The following GRM1 variants were observed in gnomAD, a reference collection of about 807,000 sequenced individuals.
GRM1 encodes the protein glutamate metabotropic receptor 1.
Under a neutral mutation model 90.9 loss-of-function variants are expected in GRM1, and 33 were observed. The ratio of observed to expected loss-of-function variants is 0.36; its 90% CI spans 0.28 to 0.49. GRM1 has a LOEUF of 0.49. GRM1 is among the 20% of genes least tolerant of loss of function. The pLI is 0.99. For synonymous variants in GRM1, 700 were observed against 613.2 expected, an observed-to-expected ratio of 1.14 and a Z score of -2.09; for missense variants, 1,190 against 1,534.3, an observed-to-expected ratio of 0.78 and a Z score of 3.75.
chr6:146,402,315 G>A (rs1341121806), intron 7 of GRM1, among the ~76,000 whole-genome samples: 4 of 152,060 alleles, frequency 2.6e-5, no homozygotes, highest in Admixed American at 6.6e-5. Flanking sequence ...ACAATCATCT[G>A]TTTACTCATT....
chr6:146,434,391 CG>C lies in GRM1; in HGVS notation c.3183del (p.Leu1062CysfsTer21). On this transcript the variant is annotated frameshift_variant, in exon 8 of 8. Coordinates refer to ENST00000282753, the MANE Select transcript of GRM1 (RefSeq NM_001278064.2). LOFTEE classifies it high-confidence loss of function. The part of the protein sequence containing the change: ...VLAGPGGPGN[G>X]LRSLYPPPPP... ...TGGCAGGCCCCGGTGGTCCCGGGAA[CG>C]GGCTGCGGTCCCTGTACCCGCCCCC... 5 of 1,613,292 alleles carry C rather than the reference CG, an allele frequency of 3.1e-6. No individual in the cohort carries two copies. The highest frequency in any genetic ancestry group is 4.2e-6 in the Non-Finnish European group (5 of 1,179,640).
intron 3 of GRM1, among the ~76,000 whole-genome samples, chr6:146,314,051 C>CTTTTTTTTTTTTTTTTTTTTT (rs552986343): frequency 1.6e-5 from 1 of 61,960 alleles, no homozygotes; most frequent in Non-Finnish European, 2.6e-5. Context: ...TAGTTAATTC[C>CTTTTTTTTTTTTTTTTTTTTT]TTTTTTTTTT....
chr6:146,151,577 A>G (rs999807113), intron 1 of GRM1, among the ~76,000 whole-genome samples: 2 of 152,198 alleles, frequency 1.3e-5, no homozygotes, highest in African/African-American at 4.8e-5. Flanking sequence ...GAAATGCAAC[A>G]CAATCTGTTT....
chr6:146,427,357 C>T (rs1486558386), intron 7 of GRM1, among the ~76,000 whole-genome samples: 8 of 152,206 alleles, frequency 5.3e-5, no homozygotes, highest in Middle Eastern at 3.4e-3. Context: ...ATGTTCAGTT[C>T]GTTGTGCACG....
intron 2 of GRM1, among the ~76,000 whole-genome samples, chr6:146,210,346 A>G (rs1269826165): frequency 4.6e-5 from 7 of 152,214 alleles, no homozygotes; most frequent in African/African-American, 9.6e-5. Flanking sequence ...GTAGTATTAA[A>G]CTAGAAAATA....
chr6:146,045,819 T>C (rs1013499406), intron 1 of GRM1, among the ~76,000 whole-genome samples: 1 of 150,824 alleles, frequency 6.6e-6, no homozygotes, highest in Non-Finnish European at 1.5e-5. Context: ...CTACTTATTA[T>C]CACTCTTCCC....
chr6:146,262,962 T>C (rs1781755593), intron 2 of GRM1, among the ~76,000 whole-genome samples: 1 of 151,996 alleles, frequency 6.6e-6, no homozygotes, highest in African/African-American at 2.4e-5. Flanking sequence ...ATCCATATGG[T>C]ATTTCTCATG....
intron 7 of GRM1, among the ~76,000 whole-genome samples, chr6:146,433,480 AT>A (rs201299966): frequency 1.3e-4 from 20 of 149,876 alleles, no homozygotes; most frequent in East Asian, 5.9e-4. Flanking sequence ...TGTAACTAAG[AT>A]TTTTTTTTTA....
intron 1 of GRM1, among the ~76,000 whole-genome samples, chr6:146,053,640 T>A (rs1775379467): frequency 6.6e-6 from 1 of 152,034 alleles, no homozygotes; most frequent in African/African-American, 2.4e-5. Context: ...GCACAGCAGA[T>A]CTCTGAACCC....
chr6:146,417,904 G>T (rs59262068), intron 7 of GRM1, among the ~76,000 whole-genome samples: 1,959 of 152,218 alleles, frequency 0.013, 47 homozygotes, highest in African/African-American at 0.045. Flanking sequence ...GTCATCTAAA[G>T]TCTCTCTGGA....
At chr6:146,423,827 C>T (rs1778097306) in intron 7 of GRM1, among the ~76,000 whole-genome samples, 1 of 152,156 alleles carries the variant, frequency 6.6e-6, no homozygotes, top group African/African-American at 2.4e-5. Context: ...GGGCCCAGTG[C>T]AAAATGAAAA....
chr6:146,396,462 G>C (rs1288513662), intron 6 of GRM1, among the ~76,000 whole-genome samples: 1 of 152,136 alleles, frequency 6.6e-6, no homozygotes, highest in African/African-American at 2.4e-5. Context: ...TGGCAAATTG[G>C]TTATCAATTT....
rs1286251691 is a variant in GRM1 at position 146,144,010 on chromosome 6, TGG to T, written c.701-15336_701-15335del. ...AAATTTCATATTGTATTAGCCTACT[TGG>T]GCTACCAAACAAAATTATTACAGAC... On this transcript the variant is annotated intron_variant, in intron 1 of 7. Transcript: ENST00000282753. Among the ~76,000 whole-genome samples the T allele has an allele frequency of 9.2e-5, 14 of 152,324 alleles. No individual in the cohort carries two copies. The East Asian group carries it at 2.5e-3, about 27-fold the overall frequency.
At position 146,029,580 on chromosome 6, in the gene GRM1, A is replaced by G. The variant is rs764664047; in HGVS notation, c.63A>G (p.Arg21=). The G allele has an allele frequency of 1.2e-6, 2 of 1,613,812 alleles. No homozygotes were observed. Among genetic ancestry groups the G allele is most frequent in the South Asian group, 2.2e-5 (2 of 91,064 alleles). The change falls in exon 1 of 8, where the codon AGA becomes AGG. Residue 21 remains arginine (R), a synonymous_variant. Transcript: ENST00000282753. ...AIFLEVSLLP[R]SPGRKVLLAG... ...TTTTGGAGGTGTCCCTTCTCCCCAG[A>G]AGCCCCGGCAGGAAAGTGTTGCTGG...
intron 1 of GRM1, among the ~76,000 whole-genome samples, chr6:146,034,954 G>A (rs1790835753): frequency 6.6e-6 from 1 of 151,934 alleles, no homozygotes; most frequent in Non-Finnish European, 1.5e-5. Context: ...TTAAATACAT[G>A]TAAAGTAAGT....
At chr6:146,224,296 T>A (rs1780166341) in intron 2 of GRM1, among the ~76,000 whole-genome samples, 1 of 152,132 alleles carries the variant, frequency 6.6e-6, no homozygotes, top group Non-Finnish European at 1.5e-5. Context: ...TGAAATTTAC[T>A]ATTTTTTTAA....
rs145406315 is a variant in GRM1 at position 146,161,525 on chromosome 6, A to G, written c.950+1928A>G. 1.9e-3 allele frequency among the ~76,000 whole-genome samples: 292 copies of G among 152,170 alleles called. 1 individual carries two copies. Among genetic ancestry groups the G allele is most frequent in the Middle Eastern group, 0.014 (4 of 294 alleles). ...TCTATGAACAGGTCAGCTACATGTG[A>G]TGTCTACCTCTTTTATTCCTCTTAC... On this transcript the variant is annotated intron_variant, in intron 2 of 7. Transcript: ENST00000282753.
chr6:146,424,061 G>C (rs1180127355), intron 7 of GRM1, among the ~76,000 whole-genome samples: 1 of 152,188 alleles, frequency 6.6e-6, no homozygotes, highest in Non-Finnish European at 1.5e-5. Context: ...TCACTGGGCA[G>C]AGGTCATAGG....
At chr6:146,135,929 C>G (rs1373416305) in intron 1 of GRM1, among the ~76,000 whole-genome samples, 1 of 152,132 alleles carries the variant, frequency 6.6e-6, no homozygotes. Context: ...CCCTCACCCC[C>G]CAACTACCCT....
Sources: gnomAD v4.1 joint callset for allele counts (sites outside exome capture counted in the v4.1 genomes callset) on GRCh38, gnomAD v4.1.1 for gene constraint, MANE v1.5 for transcripts, NCBI Gene and HGNC (gene_info 2026-07-23, HGNC 2026-07-21) for gene names.